Variants in UTRN observed in about 807,000 individuals in gnomAD.
The protein encoded by UTRN is utrophin.
UTRN carries 283 observed loss-of-function variants against 463.9 expected under a neutral mutation model. The observed-to-expected ratio is 0.61, with a 90% CI of 0.55 to 0.67. UTRN has a LOEUF of 0.67. Ranked by LOEUF, UTRN falls within the 30% of genes least tolerant of loss-of-function variation. The probability of loss-of-function intolerance (pLI) is 0.00; values close to 1 mark genes in which losing one functional copy is unlikely to be tolerated. For synonymous variants in UTRN, 1,442 were observed against 1,431.5 expected (o/e 1.01, Z -0.17); for missense variants, 3,922 against 4,084.3 (o/e 0.96, Z 1.08).
intron 50 of UTRN, among the ~76,000 whole-genome samples, chr6:144,573,417 G>A (rs887465976): frequency 2.0e-5 from 3 of 151,960 alleles, no homozygotes; most frequent in Non-Finnish European, 4.4e-5. Context: ...AAATTTGCTG[G>A]GTGTGGTGGC....
chr6:144,834,896 C>T (rs898603134), intron 69 of UTRN, among the ~76,000 whole-genome samples: 2 of 152,164 alleles, frequency 1.3e-5, no homozygotes, highest in African/African-American at 4.8e-5. Flanking sequence ...GTAAAGCCAT[C>T]GATTTCCAGG....
At chr6:144,365,178 G>C (rs955409361) in intron 2 of UTRN, among the ~76,000 whole-genome samples, 1 of 152,202 alleles carries the variant, frequency 6.6e-6, no homozygotes, top group South Asian at 2.1e-4. Context: ...AAAGAATTGA[G>C]AGTGGTGGAT....
intron 53 of UTRN, among the ~76,000 whole-genome samples, chr6:144,724,536 T>C (rs1379098575): frequency 6.6e-6 from 1 of 152,104 alleles, no homozygotes; most frequent in Non-Finnish European, 1.5e-5. Flanking sequence ...CCATAACTTT[T>C]TTATATTCCA....
chr6:144,502,777 T>C (rs567384082), intron 34 of UTRN, among the ~76,000 whole-genome samples: 9 of 152,282 alleles, frequency 5.9e-5, no homozygotes, highest in African/African-American at 2.2e-4. Context: ...TACCCGGTAA[T>C]GGGATTTCTG....
chr6:144,462,364 A>G (rs1016807803), intron 22 of UTRN, among the ~76,000 whole-genome samples: 3 of 152,150 alleles, frequency 2.0e-5, no homozygotes, highest in Admixed American at 6.5e-5. Flanking sequence ...TTGTGCTGCA[A>G]TGAACATAGT....
chr6:144,324,469 ATTAAC>A (rs1294493195), intron 2 of UTRN, among the ~76,000 whole-genome samples: 1 of 152,232 alleles, frequency 6.6e-6, no homozygotes, highest in Non-Finnish European at 1.5e-5. Flanking sequence ...AAAGAGAATA[ATTAAC>A]TGACAGTTAC....
intron 66 of UTRN, among the ~76,000 whole-genome samples, chr6:144,822,270 T>A (rs57997212): frequency 0.11 from 17,087 of 152,084 alleles, 1,116 homozygotes; most frequent in South Asian, 0.18. Flanking sequence ...CTCTTTTATT[T>A]GTGGAATGGC....
intron 34 of UTRN, 82 bp from the exon 35 acceptor site, chr6:144,510,862 A>G: frequency 7.9e-7 from 1 of 1,261,606 alleles, no homozygotes; most frequent in Non-Finnish European, 1.0e-6. Context: ...ATGTGGCAGA[A>G]AAGTTTTTAA....
At chr6:144,574,451 TAC>T (rs1014731237) in intron 50 of UTRN, among the ~76,000 whole-genome samples, 1 of 152,242 alleles carries the variant, frequency 6.6e-6, no homozygotes, top group African/African-American at 2.4e-5. Context: ...TGTATCCCTG[TAC>T]CAAACTTTCT....
chr6:144,510,645 C>T (rs1795090789), intron 34 of UTRN, among the ~76,000 whole-genome samples: 1 of 152,026 alleles, frequency 6.6e-6, no homozygotes, highest in Admixed American at 6.6e-5. Context: ...AGGTAATTGG[C>T]ATTCATATGT....
intron 66 of UTRN, among the ~76,000 whole-genome samples, chr6:144,821,783 T>C (rs1401138678): frequency 6.6e-6 from 1 of 152,126 alleles, no homozygotes; most frequent in African/African-American, 2.4e-5. Context: ...AATAGATAGA[T>C]TTTAAATCTT....
chr6:144,820,059 G>A (rs554307376), intron 65 of UTRN, among the ~76,000 whole-genome samples: 160 of 151,902 alleles, frequency 1.1e-3, no homozygotes, highest in East Asian at 3.3e-3. Flanking sequence ...ATGCATCTTC[G>A]GAAGGATCAC....
At chr6:144,436,756 T>TATATATATTTATATATATAATAAATAA (rs1393174112) in intron 10 of UTRN, among the ~76,000 whole-genome samples, 2 of 144,734 alleles carry the variant, frequency 1.4e-5, no homozygotes, top group Non-Finnish European at 3.0e-5. Flanking sequence ...TTTTATTTTA[T>TATATATATTTATATATATAATAAATAA]ATATATATTT....
At chr6:144,724,027 AAAG>A (rs1787536954) in intron 53 of UTRN, among the ~76,000 whole-genome samples, 1 of 149,726 alleles carries the variant, frequency 6.7e-6, no homozygotes. Context: ...AAAAAAAAAA[AAAG>A]AAAGAAAAAA....
At chr6:144,563,877 G>A (rs1465838312) in intron 50 of UTRN, among the ~76,000 whole-genome samples, 1 of 151,972 alleles carries the variant, frequency 6.6e-6, no homozygotes, top group Non-Finnish European at 1.5e-5. Flanking sequence ...GAATGTTAAT[G>A]TTTTCATTTT....
At chr6:144,364,035 G>A (rs1200550287) in intron 2 of UTRN, among the ~76,000 whole-genome samples, 2 of 152,184 alleles carry the variant, frequency 1.3e-5, no homozygotes, top group Non-Finnish European at 2.9e-5. Context: ...TAGATAGTAT[G>A]GGAGGTTATT....
intron 34 of UTRN, among the ~76,000 whole-genome samples, chr6:144,509,716 A>G (rs1375035256): frequency 1.3e-5 from 2 of 152,164 alleles, no homozygotes; most frequent in Non-Finnish European, 2.9e-5. Flanking sequence ...TTCAATGCAA[A>G]GCTTAAATAA....
At chr6:144,535,999 C>G (rs898130928) in intron 43 of UTRN, among the ~76,000 whole-genome samples, 1 of 152,124 alleles carries the variant, frequency 6.6e-6, no homozygotes, top group African/African-American at 2.4e-5. Context: ...AGGCTGGTCT[C>G]GAACTCCTAG....
intron 8 of UTRN, 127 bp from the exon 9 acceptor site, chr6:144,429,454 A>G (rs1349672154): frequency 2.1e-5 from 15 of 727,738 alleles, no homozygotes; most frequent in South Asian, 2.0e-4. Context: ...ATTTACTGGT[A>G]TTGCAAAGAT....
Sources: gnomAD v4.1 joint callset for allele counts (sites outside exome capture counted in the v4.1 genomes callset) on GRCh38, gnomAD v4.1.1 for gene constraint, MANE v1.5 for transcripts, NCBI Gene and HGNC (gene_info 2026-07-23, HGNC 2026-07-21) for gene names.